Variants in PPL observed in about 807,000 individuals in gnomAD.
The protein encoded by PPL is 190 kDa paraneoplastic pemphigus antigen.
In PPL, 198 loss-of-function variants were observed where a neutral mutation model predicts 194.4. That is an observed-to-expected ratio of 1.02 (90% CI 0.91 to 1.15). The LOEUF (loss-of-function observed/expected upper bound fraction) is 1.15, where lower values mean the gene tolerates loss of function less well. Among genes scored for constraint, PPL ranks in the 50% most tolerant of loss-of-function variants. PPL has a pLI of 0.00. For synonymous variants in PPL, 1,220 were observed against 972.4 expected (o/e 1.25, Z -4.74); for missense variants, 2,885 against 2,294.8 (o/e 1.26, Z -5.25).
At chr16:4,894,116 C>A (rs982903005) in intron 12 of PPL, among the ~76,000 whole-genome samples, 1 of 152,146 alleles carries the variant, frequency 6.6e-6, no homozygotes, top group Admixed American at 6.5e-5. Flanking sequence ...GAAGAAGGTG[C>A]CTGGGAGCAA....
chr16:4,903,399 G>T (rs185366188), intron 3 of PPL, among the ~76,000 whole-genome samples: 1 of 152,124 alleles, frequency 6.6e-6, no homozygotes, highest in Non-Finnish European at 1.5e-5. Flanking sequence ...GCAAAATAGG[G>T]TCATCAAGAG....
chr16:4,931,909 C>T (rs1220084286), intron 1 of PPL, among the ~76,000 whole-genome samples: 1 of 152,228 alleles, frequency 6.6e-6, no homozygotes, highest in Non-Finnish European at 1.5e-5. Flanking sequence ...TATCCAGTCT[C>T]ATTCCTTCTT....
At position 4,895,671 on chromosome 16, in the gene PPL, C is replaced by G. The variant is rs2088413249; in HGVS notation, c.1018G>C (p.Asp340His). ...CCATACTTCTGGTTCAGGTCCGAGT[C>G]CACCTTGCGCAGCAGCTCCTGAGCG... ...KDAQELLRKV[D>H]SDLNQKYGPD... Residue 340 changes from aspartate to histidine, a missense_variant, in exon 10 of 22, where the codon GAC (aspartate) becomes CAC (histidine). Transcript: ENST00000345988. 7 of 1,614,018 alleles carry G rather than the reference C, an allele frequency of 4.3e-6. No individual in the cohort carries two copies. The East Asian group carries it at 1.6e-4, about 36-fold the overall frequency.
chr16:4,905,955 A>G (rs1267309902), intron 2 of PPL, among the ~76,000 whole-genome samples: 1 of 152,118 alleles, frequency 6.6e-6, no homozygotes, highest in Non-Finnish European at 1.5e-5. Flanking sequence ...AATATTTTTA[A>G]AAGGTAGCTG....
intron 1 of PPL, among the ~76,000 whole-genome samples, chr16:4,922,293 C>G (rs1469540213): frequency 6.6e-6 from 1 of 152,172 alleles, no homozygotes; most frequent in African/African-American, 2.4e-5. Context: ...TGGGGTGCTG[C>G]CTCTGAGGAG....
chr16:4,922,189 CCTCT>C (rs1341454002), intron 1 of PPL, among the ~76,000 whole-genome samples: 1 of 152,162 alleles, frequency 6.6e-6, no homozygotes, highest in African/African-American at 2.4e-5. Flanking sequence ...AATTACTTAG[CCTCT>C]CTGAGCCTCA....
Position 4,895,415 on chromosome 16 carries a change from G to T in PPL, c.1096-8C>A. ...CAGCACCTTCTCCTGGTCCTGGAGA[G>T]AACGGGGTCAGGGGCCCAGGTGAGA... On this transcript the variant is annotated splice_region_variant and splice_polypyrimidine_tract_variant and intron_variant, in intron 10 of 21. Transcript: ENST00000345988. 1 of 1,612,082 alleles carries T rather than the reference G, an allele frequency of 6.2e-7. No individual in the cohort carries two copies. The highest frequency in any genetic ancestry group is 8.5e-7 in the Non-Finnish European group (1 of 1,179,338).
At chr16:4,893,466 C>T (rs1228002282) in intron 13 of PPL, 75 bp downstream of exon 13, 45 of 1,594,228 alleles carry the variant, frequency 2.8e-5, no homozygotes, top group Non-Finnish European at 3.5e-5. Flanking sequence ...GCCGTCTCAT[C>T]CACAGCACAG....
At chr16:4,892,344 G>T in intron 14 of PPL, 131 bp from the exon 15 acceptor site, 1 of 1,044,124 alleles carries the variant, frequency 9.6e-7, no homozygotes, top group South Asian at 1.7e-5. Context: ...GCACATTCTG[G>T]GGCTCTGACC....
rs777260358 is a variant in PPL at position 4,895,422 on chromosome 16, G to T, written c.1096-15C>A. The T allele has an allele frequency of 7.4e-6, 12 of 1,611,506 alleles. No individual in the cohort carries two copies. Among genetic ancestry groups the T allele is most frequent in the South Asian group, 4.4e-5 (4 of 91,048 alleles). ...TTCTCCTGGTCCTGGAGAGAACGGG[G>T]TCAGGGGCCCAGGTGAGACCAACAG... is the stretch of plus-strand genomic sequence containing the variant. On this transcript the variant is annotated splice_polypyrimidine_tract_variant and intron_variant, in intron 10 of 21. Transcript: ENST00000345988.
At chr16:4,932,829 T>C (rs1298482499) in intron 1 of PPL, among the ~76,000 whole-genome samples, 1 of 152,064 alleles carries the variant, frequency 6.6e-6, no homozygotes, top group Non-Finnish European at 1.5e-5. Flanking sequence ...ATCCCCTCAT[T>C]TGATCTACCC....
intron 21 of PPL, among the ~76,000 whole-genome samples, chr16:4,886,540 T>G (rs1461832035): frequency 6.6e-6 from 1 of 152,256 alleles, no homozygotes; most frequent in Non-Finnish European, 1.5e-5. Flanking sequence ...AAGAGTGAAC[T>G]GCTTCCAGTG....
chr16:4,887,642 A>G (rs2088240216), intron 20 of PPL, among the ~76,000 whole-genome samples: 1 of 152,120 alleles, frequency 6.6e-6, no homozygotes, highest in Non-Finnish European at 1.5e-5. Flanking sequence ...AATCTCTTTC[A>G]CTCAGACTGA....
chr16:4,890,997 C>G, intron 16 of PPL, 76 bp from the exon 17 acceptor site: 1 of 1,303,714 alleles, frequency 7.7e-7, no homozygotes. Flanking sequence ...CACTGAAGCC[C>G]CTGGGCCACT....
Position 4,883,910 on chromosome 16 carries a change from A to G in PPL, c.4745T>C (p.Leu1582Pro). The stretch of plus-strand genomic sequence containing the variant: ...CGCTGCCATGTTGATTTCCGATTGG[A>G]GCCTTCGGGTCTCCAGCTGCAGGTT... ...RQNLQLETRR[L>P]QSEINMAATE... Residue 1582 changes from leucine (L) to proline (P), a missense_variant, in exon 22 of 22, where the codon CTC becomes CCC. Leu to Pro is a moderately conservative substitution (Grantham distance 98). Coordinates refer to ENST00000345988, the MANE Select transcript of PPL (RefSeq NM_002705.5). The surrounding 1 kb of genome is among the most constrained non-coding windows in gnomAD (Gnocchi z 4.8). 1 of 1,613,798 alleles carries G rather than the reference A, an allele frequency of 6.2e-7. No homozygotes were observed. The highest frequency in any genetic ancestry group is 8.5e-7 in the Non-Finnish European group (1 of 1,179,974).
At position 4,893,565 on chromosome 16, in the gene PPL, C is replaced by T. The variant is rs1316322026; in HGVS notation, c.1468G>A (p.Val490Met). ...CCTCCGGGATTCTCGGTCTTCAGCA[C>T]CTCATACCGCTGCTGCAGCGTGCGT... ...SKRTLQQRYE[V>M]LKTENPGDAS... Residue 490 changes from valine to methionine, a missense_variant, in exon 13 of 22, where the codon GTG becomes ATG. By Grantham distance (21) the Val-to-Met change is conservative. Transcript: ENST00000345988. The T allele has an allele frequency of 6.2e-7, 1 of 1,612,610 alleles. No homozygotes were observed. The highest frequency in any genetic ancestry group is 1.1e-5 in the South Asian group (1 of 90,998).
In PPL at chr16:4,884,368, C is replaced by T. The variant is rs751558262; in HGVS notation, c.4287G>A (p.Ala1429=). The T allele has an allele frequency of 1.5e-5, 24 of 1,611,572 alleles. No individual in the cohort carries two copies. Among genetic ancestry groups the T allele is most frequent in the South Asian group, 4.4e-5 (4 of 91,026 alleles). Residue 1429 remains alanine (A), a synonymous_variant, in exon 22 of 22, where the codon GCG becomes GCA. Coordinates refer to ENST00000345988, the MANE Select transcript of PPL (RefSeq NM_002705.5). The surrounding 1 kb of genome is among the most constrained non-coding windows in gnomAD (Gnocchi z 5.7). The part of the protein sequence containing the change: ...EVQRLQQRLA[A]LEQEEAEARE... ...GGGCCTCAGCTTCTTCCTGCTCCAG[C>T]GCTGCCAGCCGCTGCTGCAACCGCT... is the stretch of plus-strand genomic sequence containing the variant.
At chr16:4,918,309 C>T (rs1256765676) in intron 1 of PPL, among the ~76,000 whole-genome samples, 4 of 137,226 alleles carry the variant, frequency 2.9e-5, no homozygotes, top group Admixed American at 7.4e-5. Context: ...AAAAAAAAGG[C>T]AAGTGCCATT....
In PPL at chr16:4,904,552, G is replaced by A. The variant is rs2088643949; in HGVS notation, c.163-512C>T. 3.3e-5 allele frequency among the ~76,000 whole-genome samples: 5 copies of A among 152,240 alleles called. 1 individual carries two copies. In the South Asian group the frequency reaches 1.0e-3, roughly 31 times the overall value. Reference sequence around the variant, plus strand: ...TCTTCGTGGTGGAGACACAAGCTAAGAACAAAGGATGAAAGGGACAGTGTT... The same window carrying A: ...TCTTCGTGGTGGAGACACAAGCTAAAAACAAAGGATGAAAGGGACAGTGTT... On this transcript the variant is annotated intron_variant, in intron 2 of 21. Coordinates refer to ENST00000345988, the MANE Select transcript of PPL (RefSeq NM_002705.5).
Sources: gnomAD v4.1 joint callset for allele counts (sites outside exome capture counted in the v4.1 genomes callset) on GRCh38, gnomAD v4.1.1 for gene constraint, Gnocchi (gnomAD v3.1) non-coding constraint, MANE v1.5 for transcripts, NCBI Gene and HGNC (gene_info 2026-07-23, HGNC 2026-07-21) for gene names.